Variants in ABCA10 observed in about 807,000 individuals in gnomAD.
ABCA10 encodes the protein ATP binding cassette subfamily A member 10.
Under a neutral mutation model 187.5 loss-of-function variants are expected in ABCA10, and 169 were observed. That is an observed-to-expected ratio of 0.90 (90% CI 0.80 to 1.02). The LOEUF is 1.02. ABCA10 is among the 50% of genes least tolerant of loss of function. ABCA10 has a pLI of 0.00. For synonymous variants in ABCA10, 574 were observed against 601.8 expected (o/e 0.95, Z 0.68); for missense variants, 1,727 against 1,812.4 (o/e 0.95, Z 0.86).
chr17:69,219,837 C>T (rs1410875334), intron 5 of ABCA10, 66 bp from the exon 6 acceptor site: 9 of 1,134,842 alleles, frequency 7.9e-6, no homozygotes, highest in South Asian at 4.0e-5. Context: ...AAACTATACA[C>T]TTTTTATTTT....
chr17:69,211,628 G>T (rs2074660832), intron 9 of ABCA10, among the ~76,000 whole-genome samples: 1 of 151,024 alleles, frequency 6.6e-6, no homozygotes, highest in Non-Finnish European at 1.5e-5. Flanking sequence ...TGGGGGCGGG[G>T]GGGAATATTT....
In ABCA10 at chr17:69,227,254, A is replaced by G. The variant is rs1423910121; in HGVS notation, c.-281T>C. 6.6e-6 allele frequency: 1 copy of G among 151,612 alleles called. No individual in the cohort carries two copies. Among genetic ancestry groups the G allele is most frequent in the Non-Finnish European group, 1.5e-5 (1 of 67,622 alleles). The allele number at this position is 151,612 out of a possible 1,614,324, so 9.4% of individuals were successfully genotyped here. Reference sequence around the variant, plus strand: ...TTTTAACCATTTTGTCCTGTTCATTAACAGGGTAAAGTAAATATTGCAGAG... The same window carrying G: ...TTTTAACCATTTTGTCCTGTTCATTGACAGGGTAAAGTAAATATTGCAGAG... On this transcript the variant is annotated 5_prime_UTR_variant, in exon 2 of 39. Transcript: ENST00000690296.
intron 34 of ABCA10, 47 bp from the exon 35 acceptor site, chr17:69,152,528 G>A (rs1330399102): frequency 6.4e-6 from 10 of 1,566,672 alleles, no homozygotes; most frequent in Middle Eastern, 1.7e-4. Context: ...GTAATTTGGG[G>A]AAATAGATAA....
intron 1 of ABCA10, among the ~76,000 whole-genome samples, chr17:69,243,147 T>C (rs560033184): frequency 6.2e-4 from 94 of 152,368 alleles, no homozygotes; most frequent in African/African-American, 2.2e-3. Flanking sequence ...GAGATAGCTC[T>C]TTTATTGGCA....
chr17:69,211,352 T>G (rs1338744140), intron 9 of ABCA10, among the ~76,000 whole-genome samples: 5 of 23,790 alleles, frequency 2.1e-4, no homozygotes, highest in African/African-American at 7.2e-4. Context: ...TATATATATA[T>G]ATATATATAC....
intron 20 of ABCA10, among the ~76,000 whole-genome samples, chr17:69,185,140 G>T (rs2072151035): frequency 6.6e-6 from 1 of 151,984 alleles, no homozygotes; most frequent in South Asian, 2.1e-4. Flanking sequence ...GGATTTTGAG[G>T]ACTTGGGAAA....
At chr17:69,191,100 C>G (rs2074456172) in intron 17 of ABCA10, 76 bp downstream of exon 17, 1 of 1,280,290 alleles carries the variant, frequency 7.8e-7, no homozygotes, top group Non-Finnish European at 1.0e-6. Context: ...GAACTCGATT[C>G]ATAGAACAAC....
chr17:69,166,778 T>C (rs768699176), intron 25 of ABCA10, among the ~76,000 whole-genome samples: 7 of 152,184 alleles, frequency 4.6e-5, no homozygotes, highest in Non-Finnish European at 1.0e-4. Flanking sequence ...AATAAAATCA[T>C]TGAAGAGTAA....
Position 69,182,277 on chromosome 17 carries a change from G to A in ABCA10, c.2645C>T (p.Ser882Phe), listed in dbSNP as rs758966651. The change falls in exon 22 of 39, where the codon TCT (serine) becomes TTT (phenylalanine). Residue 882 changes from serine (S) to phenylalanine (F), a missense_variant. By Grantham distance (155) the Ser-to-Phe change is radical. Coordinates refer to ENST00000690296, the MANE Select transcript of ABCA10 (RefSeq NM_001377321.1). ...CAATTTCTTGGTATTACACGCAACA[G>A]AAAATCTGTAATCCTTGAAAAAAAG... is the stretch of plus-strand genomic sequence containing the variant. ...VSGDQKDYRF[S>F]VACNTKKLNC... 6.4e-7 allele frequency: 1 copy of A among 1,550,568 alleles called. No individual in the cohort carries two copies. The highest frequency in any genetic ancestry group is 1.3e-5 in the South Asian group (1 of 78,926).
chr17:69,215,887 T>A lies in ABCA10; in HGVS notation c.786A>T (p.Arg262Ser). The A allele has an allele frequency of 2.5e-6, 4 of 1,613,380 alleles. No homozygotes were observed. The highest frequency in any genetic ancestry group is 3.4e-6 in the Non-Finnish European group (4 of 1,179,728). Residue 262 changes from arginine (R) to serine (S), a missense_variant, in exon 8 of 39, where the codon AGA becomes AGT. By Grantham distance (110) the Arg-to-Ser change is moderately radical. Transcript: ENST00000690296. ...CCCATCCCAAAGATAAAGGAAGTTG[T>A]CTATATAACACAGTGAATCCCAGAC... ...WGCLGFTVLY[R>S]QLPLSLGWVL...
intron 9 of ABCA10, among the ~76,000 whole-genome samples, chr17:69,211,325 A>ATATATATCATATATATACATCATATATAT (rs2074651278): frequency 5.9e-5 from 1 of 16,958 alleles, no homozygotes; most frequent in African/African-American, 1.5e-4. Flanking sequence ...ATATATATAT[A>ATATATATCATATATATACATCATATATAT]TATATATATA....
chr17:69,165,350 T>A (rs745763738), intron 25 of ABCA10, among the ~76,000 whole-genome samples: 5 of 152,200 alleles, frequency 3.3e-5, no homozygotes, highest in Non-Finnish European at 7.4e-5. Context: ...GAAGGTGATG[T>A]AACATTATTT....
chr17:69,192,521 T>C (rs766933440), intron 16 of ABCA10, 42 bp downstream of exon 16: 1 of 1,511,754 alleles, frequency 6.6e-7, no homozygotes, highest in South Asian at 1.2e-5. Flanking sequence ...CACCCTCATA[T>C]TAATATGCTC....
chr17:69,211,340 TATA>T (rs2074654325), intron 9 of ABCA10, among the ~76,000 whole-genome samples: 1 of 112,748 alleles, frequency 8.9e-6, no homozygotes, highest in Non-Finnish European at 1.7e-5. Flanking sequence ...TATATATATA[TATA>T]TATATATATA....
chr17:69,196,984 G>C (rs2074509667), intron 11 of ABCA10, 80 bp downstream of exon 11: 3 of 1,031,680 alleles, frequency 2.9e-6, no homozygotes, highest in Middle Eastern at 3.3e-4. Flanking sequence ...GCCTCCGCTT[G>C]GCATCAGAGG....
intron 37 of ABCA10, 54 bp from the exon 38 acceptor site, chr17:69,149,142 G>T: frequency 1.3e-6 from 2 of 1,588,902 alleles, no homozygotes; most frequent in East Asian, 2.2e-5. Flanking sequence ...CCAAGTGTTT[G>T]TAAAGTCATA....
Position 69,161,706 on chromosome 17 carries a change from G to GGGTACATTCATTTGAAAATA in ABCA10, c.3363+2348_3363+2367dup, listed in dbSNP as rs372230086. Among the ~76,000 whole-genome samples, 1,304 of 152,206 alleles carry GGGTACATTCATTTGAAAATA rather than the reference G, an allele frequency of 8.6e-3. 25 individuals are homozygous for GGGTACATTCATTTGAAAATA. Among genetic ancestry groups the GGGTACATTCATTTGAAAATA allele is most frequent in the African/African-American group, 0.029 (1,217 of 41,494 alleles). On this transcript the variant is annotated intron_variant, in intron 27 of 38. Coordinates refer to ENST00000690296, the MANE Select transcript of ABCA10 (RefSeq NM_001377321.1). ...AGGATCTGGTTTGAGGTACTAAGAA[G>GGGTACATTCATTTGAAAATA]GGTACATTCATTTGAAAATAGGTAC... is the stretch of plus-strand genomic sequence containing the variant.
At chr17:69,187,624 T>C in intron 19 of ABCA10, 57 bp downstream of exon 19, 1 of 1,478,584 alleles carries the variant, frequency 6.8e-7, no homozygotes, top group Admixed American at 2.1e-5. Context: ...ACTTTCTTAA[T>C]ATTTGAATGT....
chr17:69,199,670 C>T (rs771641308), intron 10 of ABCA10, among the ~76,000 whole-genome samples: 4 of 152,166 alleles, frequency 2.6e-5, no homozygotes, highest in East Asian at 1.9e-4. Context: ...CCTAAATAAC[C>T]GCTCTTCATA....
Sources: allele counts gnomAD v4.1 joint callset (sites outside exome capture counted in the v4.1 genomes callset), GRCh38; gene constraint gnomAD v4.1.1; transcripts MANE v1.5; gene names NCBI Gene and HGNC (gene_info 2026-07-23, HGNC 2026-07-21).